Variants in DLC1 observed in about 807,000 individuals in gnomAD.
The protein encoded by DLC1 is DLC1 Rho GTPase activating protein, also known as rho GTPase-activating protein 7.
In DLC1, 54 loss-of-function variants were observed where a neutral mutation model predicts 140.3. The observed-to-expected ratio is 0.38, with a 90% CI of 0.31 to 0.48. DLC1 has a LOEUF of 0.48. Ranked by LOEUF, DLC1 falls within the 20% of genes least tolerant of loss-of-function variation. The probability of loss-of-function intolerance (pLI) is 0.96; values close to 1 mark genes in which losing one functional copy is unlikely to be tolerated. For synonymous variants in DLC1, 986 were observed against 728.1 expected (o/e 1.35, Z -5.70); for missense variants, 2,536 against 1,907.0 (o/e 1.33, Z -6.14).
chr8:13,445,967 A>G (rs1412003040), intron 2 of DLC1, among the ~76,000 whole-genome samples: 3 of 152,154 alleles, frequency 2.0e-5, no homozygotes, highest in Non-Finnish European at 4.4e-5. Flanking sequence ...GGGCAAGGGA[A>G]TGGTTTAAGT....
At chr8:13,571,923 C>T (rs967336743) in intron 1 of DLC1, among the ~76,000 whole-genome samples, 4 of 152,104 alleles carry the variant, frequency 2.6e-5, no homozygotes, top group Non-Finnish European at 4.4e-5. Context: ...AGTGGCATCT[C>T]ATTGTACTTT....
At chr8:13,132,995 G>A in intron 5 of DLC1, 8 of 1,609,092 alleles carry the variant, frequency 5.0e-6, no homozygotes, top group Non-Finnish European at 6.8e-6. Flanking sequence ...CACGGCAGGC[G>A]GCGGCGGAAG....
At chr8:13,112,983 G>C (rs1395140982) in intron 6 of DLC1, among the ~76,000 whole-genome samples, 1 of 152,174 alleles carries the variant, frequency 6.6e-6, no homozygotes, top group Non-Finnish European at 1.5e-5. Flanking sequence ...CTATATGTGA[G>C]AAAGTAACTA....
At chr8:13,577,528 T>G (rs534557761) in intron 1 of DLC1, among the ~76,000 whole-genome samples, 25 of 152,220 alleles carry the variant, frequency 1.6e-4, no homozygotes, top group Non-Finnish European at 3.2e-4. Context: ...ATAACTGTAA[T>G]TTGAATTCGG....
intron 1 of DLC1, among the ~76,000 whole-genome samples, chr8:13,571,131 T>G (rs1439158375): frequency 1.3e-5 from 2 of 152,218 alleles, no homozygotes; most frequent in African/African-American, 4.8e-5. Flanking sequence ...CAGTGCTGTT[T>G]TATGCAAATA....
At chr8:13,552,162 T>A (rs1298149070) in intron 1 of DLC1, among the ~76,000 whole-genome samples, 1 of 138,336 alleles carries the variant, frequency 7.2e-6, no homozygotes, top group East Asian at 2.2e-4. Context: ...GGTACATATA[T>A]ATATCTGTCT....
upstream of DLC1, among the ~76,000 whole-genome samples, chr8:13,518,227 A>G (rs1802653420): frequency 1.3e-5 from 2 of 151,898 alleles, no homozygotes; most frequent in Non-Finnish European, 2.9e-5. Flanking sequence ...TCCTGCCTCC[A>G]TCTCCTGACT....
chr8:13,504,252 G>A (rs147274205), intron 1 of DLC1, among the ~76,000 whole-genome samples: 75 of 150,740 alleles, frequency 5.0e-4, no homozygotes, highest in African/African-American at 1.4e-3. Context: ...TCAGCCTCCC[G>A]AGTAGCTGGG....
intron 1 of DLC1, among the ~76,000 whole-genome samples, chr8:13,505,269 G>A (rs191056328): frequency 1.3e-5 from 2 of 152,168 alleles, no homozygotes; most frequent in Admixed American, 1.3e-4. Flanking sequence ...TGAGGAGTGA[G>A]ATTAGGGAGA....
chr8:13,266,827 A>C (rs568749640), intron 5 of DLC1, among the ~76,000 whole-genome samples: 1 of 152,358 alleles, frequency 6.6e-6, no homozygotes, highest in Non-Finnish European at 1.5e-5. Context: ...AGAAACTGAA[A>C]TAAAATTTAG....
At chr8:13,329,842 G>GT (rs1833514148) in intron 4 of DLC1, among the ~76,000 whole-genome samples, 1 of 152,038 alleles carries the variant, frequency 6.6e-6, no homozygotes, top group Non-Finnish European at 1.5e-5. Context: ...CTTTCATGTA[G>GT]TAAGTAATGG....
intron 5 of DLC1, among the ~76,000 whole-genome samples, chr8:13,299,921 C>A (rs770362379): frequency 2.6e-5 from 4 of 152,064 alleles, no homozygotes; most frequent in Non-Finnish European, 5.9e-5. Context: ...AGTCAGCAAT[C>A]GCATTACTGG....
At chr8:13,392,373 A>G (rs868438090) in intron 4 of DLC1, among the ~76,000 whole-genome samples, 1 of 152,224 alleles carries the variant, frequency 6.6e-6, no homozygotes, top group Admixed American at 6.5e-5. Context: ...AAAATGTTTT[A>G]GATATAAATA....
At chr8:13,196,192 G>C (rs1314902462) in intron 5 of DLC1, among the ~76,000 whole-genome samples, 6 of 151,786 alleles carry the variant, frequency 4.0e-5, no homozygotes, top group African/African-American at 1.5e-4. Flanking sequence ...AGGAGAATAG[G>C]ACTGGAGAGG....
In DLC1 at chr8:13,590,164, C is replaced by T. The variant is rs1805471295; in HGVS notation, c.-126+14373G>A. Among the ~76,000 whole-genome samples, 3 of 151,230 alleles carry T rather than the reference C, an allele frequency of 2.0e-5. No individual in the cohort carries two copies. The South Asian group carries it at 6.3e-4, about 32-fold the overall frequency. On this transcript the variant is annotated intron_variant, in intron 1 of 1. Coordinates refer to the DLC1 transcript ENST00000631382. ...TTTCCATATATGTTTGGATTGGCACCAATCCTATATTTACAGTATTAAGGA... is the reference window on the plus strand; with the variant it reads ...TTTCCATATATGTTTGGATTGGCACTAATCCTATATTTACAGTATTAAGGA...
chr8:13,292,880 A>T (rs74626863), intron 5 of DLC1, among the ~76,000 whole-genome samples: 12,590 of 152,174 alleles, frequency 0.083, 598 homozygotes, highest in South Asian at 0.17. Context: ...AATATCAAAT[A>T]GTTAGGAGCA....
chr8:13,394,166 A>G lies in DLC1; in HGVS notation c.1174-473T>C, dbSNP rs1307964031. Among the ~76,000 whole-genome samples the G allele has an allele frequency of 3.3e-5, 5 of 152,152 alleles. No homozygotes were observed. The East Asian group carries it at 7.7e-4, about 23-fold the overall frequency. On this transcript the variant is annotated intron_variant, in intron 3 of 17. Coordinates refer to ENST00000276297, the MANE Select transcript of DLC1 (RefSeq NM_182643.3). The stretch of plus-strand genomic sequence containing the variant: ...TCAATCTCTTCTATGTTCCTATTCA[A>G]CCTCTATGGTGACAGCTATTACGGT...
At chr8:13,263,654 TA>T (rs1431065370) in intron 5 of DLC1, among the ~76,000 whole-genome samples, 1 of 151,298 alleles carries the variant, frequency 6.6e-6, no homozygotes, top group Non-Finnish European at 1.5e-5. Flanking sequence ...ATATAATAGA[TA>T]AAAATATGTA....
chr8:13,153,588 G>A (rs1335808501), intron 5 of DLC1, among the ~76,000 whole-genome samples: 4 of 152,194 alleles, frequency 2.6e-5, no homozygotes, highest in African/African-American at 9.7e-5. Context: ...CCATTTTACA[G>A]AGAGCTGATT....
Sources: allele counts gnomAD v4.1 joint callset (sites outside exome capture counted in the v4.1 genomes callset), GRCh38; gene constraint gnomAD v4.1.1; transcripts MANE v1.5; gene names NCBI Gene and HGNC (gene_info 2026-07-23, HGNC 2026-07-21).